The following KLHL6 variants were observed in gnomAD, a reference collection of about 807,000 sequenced individuals.
The protein encoded by KLHL6 is kelch like family member 6.
In KLHL6, 41 loss-of-function variants were observed where a neutral mutation model predicts 58.6. The observed-to-expected ratio is 0.70, with a 90% CI of 0.55 to 0.91. KLHL6 has a LOEUF of 0.91. Among genes scored for constraint, KLHL6 ranks in the 40% least tolerant of loss-of-function variants. The pLI is 0.00. For synonymous variants in KLHL6, 338 were observed against 322.7 expected (o/e 1.05, Z -0.51); for missense variants, 714 against 805.6 (o/e 0.89, Z 1.38).
chr3:183,527,699 CGT>C (rs149350693), intron 2 of KLHL6, 144 bp downstream of exon 2: 14,937 of 543,614 alleles, frequency 0.027, no homozygotes, highest in South Asian at 0.04. Flanking sequence ...TAGGGGTGTG[CGT>C]GTGTGTGTGT....
At chr3:183,506,443 C>T (rs1363983489) in intron 3 of KLHL6, among the ~76,000 whole-genome samples, 1 of 152,148 alleles carries the variant, frequency 6.6e-6, no homozygotes, top group African/African-American at 2.4e-5. Context: ...ATAACAAGCT[C>T]CCAGTCTAGA....
chr3:183,519,969 A>C (rs972959380), intron 2 of KLHL6, among the ~76,000 whole-genome samples: 27 of 151,654 alleles, frequency 1.8e-4, no homozygotes, highest in Non-Finnish European at 3.5e-4. Context: ...GGCACACTTG[A>C]GTTTGTAGCC....
Position 183,516,272 on chromosome 3 carries a change from G to A in KLHL6, c.460-7764C>T, listed in dbSNP as rs150427214. On this transcript the variant is annotated intron_variant, in intron 2 of 6. Coordinates refer to ENST00000341319, the MANE Select transcript of KLHL6 (RefSeq NM_130446.4). Reference sequence around the variant, plus strand: ...CCAATGGCTGGGAAACTGATGATGCGCAGGGCAATCATGGGAACCAGAAAT... The same window carrying A: ...CCAATGGCTGGGAAACTGATGATGCACAGGGCAATCATGGGAACCAGAAAT... 2.3e-3 allele frequency among the ~76,000 whole-genome samples: 348 copies of A among 152,282 alleles called. 3 individuals carry two copies. Among genetic ancestry groups the A allele is most frequent in the African/African-American group, 7.3e-3 (304 of 41,552 alleles).
intron 1 of KLHL6, among the ~76,000 whole-genome samples, chr3:183,553,985 A>T (rs1471638263): frequency 6.6e-6 from 1 of 152,148 alleles, no homozygotes. Context: ...CTCAAAAAAA[A>T]AAAAAAGAAA....
intron 1 of KLHL6, among the ~76,000 whole-genome samples, chr3:183,547,981 C>T (rs991496805): frequency 1.3e-5 from 2 of 152,176 alleles, no homozygotes; most frequent in Non-Finnish European, 2.9e-5. Flanking sequence ...TCAGAGCCTC[C>T]TTGTGCTCAT....
At chr3:183,507,313 A>T (rs2108673668) in intron 3 of KLHL6, among the ~76,000 whole-genome samples, 1 of 152,326 alleles carries the variant, frequency 6.6e-6, no homozygotes, top group Admixed American at 6.5e-5. Flanking sequence ...AATCAAAGTG[A>T]TGTCAGAGTA....
intron 1 of KLHL6, among the ~76,000 whole-genome samples, chr3:183,554,151 A>G (rs1299502129): frequency 6.6e-6 from 1 of 152,174 alleles, no homozygotes. Flanking sequence ...TTGCCCTTGC[A>G]GGCTGGTTCC....
intron 3 of KLHL6, among the ~76,000 whole-genome samples, chr3:183,502,654 A>C (rs1278729149): frequency 6.6e-6 from 1 of 152,208 alleles, no homozygotes; most frequent in Non-Finnish European, 1.5e-5. Flanking sequence ...GCCAGCAAGG[A>C]TCTGATGCCT....
chr3:183,492,240 G>A lies in KLHL6; in HGVS notation c.1565-12C>T. 6.4e-7 allele frequency: 1 copy of A among 1,573,950 alleles called. No individual in the cohort carries two copies. The highest frequency in any genetic ancestry group is 8.6e-7 in the Non-Finnish European group (1 of 1,158,252). Reference sequence around the variant, plus strand: ...TCTCATGGCCCCACCTGAGGAGAGGGAGGAAACACGGTGGGCATCGCTCCA... The same window carrying A: ...TCTCATGGCCCCACCTGAGGAGAGGAAGGAAACACGGTGGGCATCGCTCCA... On this transcript the variant is annotated splice_polypyrimidine_tract_variant and intron_variant, in intron 6 of 6. Coordinates refer to ENST00000341319, the MANE Select transcript of KLHL6 (RefSeq NM_130446.4). The surrounding 1 kb of genome is among the most constrained non-coding windows in gnomAD (Gnocchi z 5.9).
intron 4 of KLHL6, among the ~76,000 whole-genome samples, chr3:183,495,564 G>T (rs1717692042): frequency 7.6e-6 from 1 of 132,348 alleles, no homozygotes; most frequent in South Asian, 2.7e-4. Context: ...TAAAACCTAT[G>T]ATTTTATTTT....
At chr3:183,510,666 G>A (rs1718156536) in intron 2 of KLHL6, among the ~76,000 whole-genome samples, 1 of 152,140 alleles carries the variant, frequency 6.6e-6, no homozygotes, top group South Asian at 2.1e-4. Context: ...CCTGAGATCA[G>A]GAGTTGGAGA....
intron 1 of KLHL6, 150 bp from the exon 2 acceptor site, chr3:183,528,160 C>A: frequency 1.3e-6 from 1 of 778,354 alleles, no homozygotes; most frequent in Admixed American, 2.3e-5. Flanking sequence ...TCCAGCACCC[C>A]CTACGCATTA....
intron 2 of KLHL6, among the ~76,000 whole-genome samples, chr3:183,518,406 G>C (rs1369394742): frequency 2.0e-5 from 3 of 152,046 alleles, no homozygotes; most frequent in African/African-American, 7.2e-5. Context: ...AATGTGATCT[G>C]TACTCCACAT....
At chr3:183,506,867 A>C (rs1005386307) in intron 3 of KLHL6, among the ~76,000 whole-genome samples, 4 of 151,272 alleles carry the variant, frequency 2.6e-5, no homozygotes, top group Non-Finnish European at 5.9e-5. Flanking sequence ...TAAATAAATA[A>C]ATAAATAAAA....
rs116137081 is a variant in KLHL6, at chr3:183,518,772, T to G, written c.459+9073A>C. Among the ~76,000 whole-genome samples the G allele has an allele frequency of 5.5e-3, 831 of 152,010 alleles. 6 individuals are homozygous for G. Among genetic ancestry groups the G allele is most frequent in the African/African-American group, 0.019 (791 of 41,430 alleles). ...CCTCAAAAGCCAGAGTCCTAAAGAGTCTGGGTACAAAGTTTATACCAAAAC... is the reference window on the plus strand; with the variant it reads ...CCTCAAAAGCCAGAGTCCTAAAGAGGCTGGGTACAAAGTTTATACCAAAAC... On this transcript the variant is annotated intron_variant, in intron 2 of 6. Coordinates refer to ENST00000341319, the MANE Select transcript of KLHL6 (RefSeq NM_130446.4).
intron 2 of KLHL6, among the ~76,000 whole-genome samples, chr3:183,510,962 C>T (rs1197816925): frequency 3.3e-5 from 5 of 151,828 alleles, no homozygotes; most frequent in South Asian, 4.1e-4. Context: ...GGGTATTTCT[C>T]GTCAGGTGGG....
At chr3:183,497,646 A>G (rs1206339918) in intron 4 of KLHL6, among the ~76,000 whole-genome samples, 1 of 152,062 alleles carries the variant, frequency 6.6e-6, no homozygotes. Context: ...GTGACTTCTC[A>G]ACTCCCTTAG....
At chr3:183,542,433 G>A (rs1481809985) in intron 1 of KLHL6, among the ~76,000 whole-genome samples, 1 of 152,020 alleles carries the variant, frequency 6.6e-6, no homozygotes, top group African/African-American at 2.4e-5. Context: ...GTTACACTGC[G>A]TGGCACCTTC....
intron 2 of KLHL6, among the ~76,000 whole-genome samples, chr3:183,509,700 T>G (rs1189168500): frequency 6.6e-6 from 1 of 152,214 alleles, no homozygotes; most frequent in Non-Finnish European, 1.5e-5. Context: ...CAGAGGCTTT[T>G]AAAGCTTCTG....
Sources: gnomAD v4.1 joint callset for allele counts (sites outside exome capture counted in the v4.1 genomes callset) on GRCh38, gnomAD v4.1.1 for gene constraint, Gnocchi (gnomAD v3.1) non-coding constraint, MANE v1.5 for transcripts, NCBI Gene and HGNC (gene_info 2026-07-23, HGNC 2026-07-21) for gene names.